The following COL17A1 variants were observed in gnomAD, a reference collection of about 807,000 sequenced individuals.
COL17A1 encodes the protein collagen type XVII alpha 1 chain.
COL17A1 carries 181 observed loss-of-function variants against 218.4 expected under a neutral mutation model. That is an observed-to-expected ratio of 0.83 (90% CI 0.73 to 0.94). The LOEUF is 0.94. Ranked by LOEUF, COL17A1 falls within the 40% of genes least tolerant of loss-of-function variation. The pLI is 0.00. For synonymous variants in COL17A1, 721 were observed against 731.0 expected (o/e 0.99, Z 0.22); for missense variants, 1,924 against 1,945.9 (o/e 0.99, Z 0.21).
intron 52 of COL17A1, 136 bp from the exon 53 acceptor site, chr10:104,033,511 C>T (rs1844719283): frequency 2.8e-6 from 3 of 1,066,428 alleles, no homozygotes; most frequent in African/African-American, 1.6e-5. Context: ...TGAAGCCCTC[C>T]AACTTCCTTT....
intron 4 of COL17A1, among the ~76,000 whole-genome samples, chr10:104,077,218 C>T (rs903320447): frequency 3.9e-5 from 6 of 152,166 alleles, no homozygotes; most frequent in South Asian, 2.1e-4. Flanking sequence ...TTTGCACCCC[C>T]GGTCTCCAGC....
chr10:104,038,991 A>C (rs905819971), intron 44 of COL17A1, 80 bp downstream of exon 44: 4 of 1,422,728 alleles, frequency 2.8e-6, no homozygotes, highest in African/African-American at 1.4e-5. Flanking sequence ...TGAATGAACG[A>C]ATAGAGCAAC....
At chr10:104,056,106 G>A in intron 17 of COL17A1, 103 bp from the exon 18 acceptor site, 1 of 1,392,320 alleles carries the variant, frequency 7.2e-7, no homozygotes, top group East Asian at 2.3e-5. Flanking sequence ...GGGGCCTGTG[G>A]TGGCTTCTTC....
At position 104,053,243 on chromosome 10, in the gene COL17A1, C is replaced by T. The variant is rs11191909; in HGVS notation, c.1835-108G>A. ...CTTGCCTGGAGCCCTTCCCTGGCCT[C>T]CCTGCTTGCTTCTCTCCTGGACCCC... On this transcript the variant is annotated intron_variant, in intron 22 of 55. Transcript: ENST00000648076. The T allele has an allele frequency of 0.18, 224,092 of 1,259,784 alleles. 21,223 individuals carry two copies. Among genetic ancestry groups the T allele is most frequent in the South Asian group, 0.2 (16,041 of 81,548 alleles). The allele number at this position is 1,259,784 out of a possible 1,614,324, so 78.0% of individuals were successfully genotyped here. A position where few individuals can be genotyped will look rare whatever the true frequency, so the allele number is the denominator to read the frequency against.
intron 40 of COL17A1, 22 bp from the exon 41 acceptor site, chr10:104,040,021 C>G (rs746581336): frequency 6.2e-7 from 1 of 1,613,718 alleles, no homozygotes; most frequent in Non-Finnish European, 8.5e-7. Flanking sequence ...AGGCAGAGAG[C>G]TATGAGACAG....
chr10:104,039,214 C>T lies in COL17A1; in HGVS notation c.2897-93G>A, dbSNP rs531216663. On this transcript the variant is annotated intron_variant, in intron 43 of 55. Coordinates refer to ENST00000648076, the MANE Select transcript of COL17A1 (RefSeq NM_000494.4). ...ACTTATTAGTGTGTGTCTCAACAAT[C>T]GTCCCATGTCTCTTGGCCTCCTTTT... is the stretch of plus-strand genomic sequence containing the variant. The T allele has an allele frequency of 6.1e-4, 797 of 1,311,540 alleles. 10 individuals are homozygous for T. The South Asian group carries it at 7.6e-3, about 12-fold the overall frequency. 81.2% of individuals were successfully genotyped at this position (1,311,540 alleles called of 1,614,324 possible). A position where few individuals can be genotyped will look rare whatever the true frequency, so the allele number is the denominator to read the frequency against.
chr10:104,080,685 C>T lies in COL17A1; in HGVS notation c.-11-1G>A, dbSNP rs2086757266. On this transcript the variant is annotated splice_acceptor_variant, in intron 1 of 55. Transcript: ENST00000648076. LOFTEE classifies it low-confidence loss of function (5UTR_SPLICE). ...TTGGTTACATCCATACCATAGCCAC[C>T]TGCAGGAAAAATCAGAAACCATGAT... The T allele has an allele frequency of 6.2e-7, 1 of 1,613,064 alleles. No individual in the cohort carries two copies. The highest frequency in any genetic ancestry group is 8.5e-7 in the Non-Finnish European group (1 of 1,179,978).
chr10:104,070,457 C>G lies in COL17A1; in HGVS notation c.576G>C (p.Glu192Asp). The change falls in exon 9 of 56, where the codon GAG (glutamate) becomes GAC (aspartate). Residue 192 changes from glutamate to aspartate, a missense_variant. Physicochemically the swap from Glu to Asp is conservative, Grantham distance 45 (BLOSUM62 2). Transcript: ENST00000648076. Reference sequence around the variant, plus strand: ...GGGAGCTCGCTGTCACAATTTTGGTCTCCACAGTGCCTTTCTTGGGGATGG... The same window carrying G: ...GGGAGCTCGCTGTCACAATTTTGGTGTCCACAGTGCCTTTCTTGGGGATGG... ...TLPIPKKGTV[E>D]TKIVTASSQS... 1.2e-6 allele frequency: 2 copies of G among 1,614,134 alleles called. No individual in the cohort carries two copies. Among genetic ancestry groups the G allele is most frequent in the Non-Finnish European group, 1.7e-6 (2 of 1,180,038 alleles).
chr10:104,079,044 T>C (rs1414327292), intron 2 of COL17A1, among the ~76,000 whole-genome samples: 1 of 152,206 alleles, frequency 6.6e-6, no homozygotes, highest in Non-Finnish European at 1.5e-5. Flanking sequence ...TGGAGGTGTT[T>C]AAGAACATTA....
Position 104,061,465 on chromosome 10 carries a change from C to T in COL17A1, c.919G>A (p.Val307Met), listed in dbSNP as rs1308127761. The change falls in exon 13 of 56, where the codon GTG (valine) becomes ATG (methionine). Residue 307 changes from valine (V) to methionine (M), a missense_variant. By Grantham distance (21) the Val-to-Met change is conservative (BLOSUM62 1). Transcript: ENST00000648076. Reference protein sequence around the residue: ...GTTTTSTAYGVKKNMPQSPAA... With the variant: ...GTTTTSTAYGMKKNMPQSPAA... ...GGACTCTGGGGCATGTTTTTCTTCA[C>T]CCCATATGCTGCAAGAAAGGAAGCT... The T allele has an allele frequency of 6.2e-7, 1 of 1,613,220 alleles. No homozygotes were observed. Among genetic ancestry groups the T allele is most frequent in the Non-Finnish European group, 8.5e-7 (1 of 1,179,726 alleles).
chr10:104,032,159 A>T lies in COL17A1; in HGVS notation c.*76T>A, dbSNP rs1469269839. ...AGGACATTGACAGACTCCAGCTTTC[A>T]CCCTCTGGAGACCTTGGACCTAAGT... is the stretch of plus-strand genomic sequence containing the variant. On this transcript the variant is annotated 3_prime_UTR_variant, in exon 56 of 56. Coordinates refer to ENST00000648076, the MANE Select transcript of COL17A1 (RefSeq NM_000494.4). 8.5e-6 allele frequency: 10 copies of T among 1,171,334 alleles called. No individual in the cohort carries two copies. The highest frequency in any genetic ancestry group is 1.3e-5 in the Non-Finnish European group (10 of 779,734). 72.6% of individuals were successfully genotyped at this position (1,171,334 alleles called of 1,614,324 possible).
At position 104,043,226 on chromosome 10, in the gene COL17A1, C is replaced by T. The variant is rs180879150; in HGVS notation, c.2515+275G>A. Among the ~76,000 whole-genome samples the T allele has an allele frequency of 3.0e-4, 46 of 152,284 alleles. No individual in the cohort carries two copies. In the East Asian group the frequency reaches 6.4e-3, roughly 21 times the overall value. ...ATCCTTTGTCCTGCTGCTTATTGGCCGTGGGACCTTGGGCAAGTCATTTAC... is the reference window on the plus strand; with the variant it reads ...ATCCTTTGTCCTGCTGCTTATTGGCTGTGGGACCTTGGGCAAGTCATTTAC... On this transcript the variant is annotated intron_variant, in intron 35 of 55. Transcript: ENST00000648076.
chr10:104,036,400 G>A, intron 48 of COL17A1, 92 bp downstream of exon 48: 1 of 1,553,184 alleles, frequency 6.4e-7, no homozygotes, highest in Non-Finnish European at 8.8e-7. Context: ...GCAGGTGGGG[G>A]TCAGTGGGGC....
At chr10:104,033,403 G>C in intron 52 of COL17A1, 28 bp from the exon 53 acceptor site, 1 of 1,607,560 alleles carries the variant, frequency 6.2e-7, no homozygotes. Flanking sequence ...TTGGGCACAG[G>C]AAGCAGGGAT....
At chr10:104,045,363 C>A (rs973693440) in intron 33 of COL17A1, among the ~76,000 whole-genome samples, 3 of 152,150 alleles carry the variant, frequency 2.0e-5, no homozygotes, top group Non-Finnish European at 4.4e-5. Flanking sequence ...GTAGCTCCTG[C>A]CCCAGGGGAA....
chr10:104,051,093 C>T (rs555267321), intron 25 of COL17A1, among the ~76,000 whole-genome samples, 192 bp from the exon 26 acceptor site: 60 of 152,348 alleles, frequency 3.9e-4, no homozygotes, highest in Non-Finnish European at 6.3e-4. Context: ...CTTGCCTCTG[C>T]TGATGAACAG....
chr10:104,036,626 T>C lies in COL17A1; in HGVS notation c.3284A>G (p.Asp1095Gly), dbSNP rs777839177. ...EDILAVLQRD[D>G]VRQYLRQYLM... Reference sequence around the variant, plus strand: ...GTACTGACGTAGGTACTGACGCACGTCATCCCCTGGAGAGGAGAGGATGCA... The same window carrying C: ...GTACTGACGTAGGTACTGACGCACGCCATCCCCTGGAGAGGAGAGGATGCA... Residue 1095 changes from aspartate to glycine, a missense_variant, in exon 48 of 56, where the codon GAC becomes GGC. By Grantham distance (94) the Asp-to-Gly change is moderately conservative. Transcript: ENST00000648076. 1.9e-6 allele frequency: 3 copies of C among 1,613,700 alleles called. No individual in the cohort carries two copies. Among genetic ancestry groups the C allele is most frequent in the Non-Finnish European group, 2.5e-6 (3 of 1,179,898 alleles).
chr10:104,048,176 A>G (rs547013101), intron 29 of COL17A1, 72 bp from the exon 30 acceptor site: 1 of 1,549,340 alleles, frequency 6.5e-7, no homozygotes, highest in African/African-American at 1.4e-5. Context: ...CTACTGTCCC[A>G]GTGGCCTTGA....
intron 9 of COL17A1, among the ~76,000 whole-genome samples, chr10:104,066,383 T>C (rs2086626331): frequency 6.6e-6 from 1 of 152,214 alleles, no homozygotes; most frequent in African/African-American, 2.4e-5. Flanking sequence ...TGATAAAGTA[T>C]TGCTGTTTTA....
Sources: allele counts gnomAD v4.1 joint callset (sites outside exome capture counted in the v4.1 genomes callset), GRCh38; gene constraint gnomAD v4.1.1; transcripts MANE v1.5; gene names NCBI Gene and HGNC (gene_info 2026-07-23, HGNC 2026-07-21).